IQCK: variants seen among roughly 807,000 people sequenced by gnomAD.
The protein encoded by IQCK is IQ motif containing K.
In IQCK, 29 loss-of-function variants were observed where a neutral mutation model predicts 28.1. The observed-to-expected ratio is 1.03, with a 90% CI of 0.77 to 1.41. IQCK has a LOEUF of 1.41. Among genes scored for constraint, IQCK ranks in the 40% most tolerant of loss-of-function variants. IQCK has a pLI of 0.00. For missense variants in IQCK, 359 were observed against 314.7 expected (o/e 1.14, Z -1.07); for synonymous variants, 113 against 115.1 (o/e 0.98, Z 0.12).
Position 19,811,265 on chromosome 16 carries a change from T to C in IQCK, c.691-15761T>C, listed in dbSNP as rs529525931. Among the ~76,000 whole-genome samples, 11 of 152,264 alleles carry C rather than the reference T, an allele frequency of 7.2e-5. No individual in the cohort carries two copies. The South Asian group carries it at 2.1e-3, about 29-fold the overall frequency. On this transcript the variant is annotated intron_variant, in intron 7 of 7. Coordinates refer to ENST00000564186, the Ensembl canonical transcript of IQCK. Reference sequence around the variant, plus strand: ...AAGCCTGGGTGACAGAGCGAGACCCTGTCTCAAAACAACAACAATGCATTG... The same window carrying C: ...AAGCCTGGGTGACAGAGCGAGACCCCGTCTCAAAACAACAACAATGCATTG...
intron 7 of IQCK, among the ~76,000 whole-genome samples, chr16:19,822,171 C>T (rs755468828): frequency 2.0e-4 from 30 of 150,256 alleles, no homozygotes; most frequent in Non-Finnish European, 3.1e-4. Flanking sequence ...GCAGATCACA[C>T]GGTCAGGGGT....
chr16:19,724,319 A>G (rs983828017), intron 1 of IQCK, among the ~76,000 whole-genome samples: 10 of 152,052 alleles, frequency 6.6e-5, no homozygotes, highest in Non-Finnish European at 5.9e-5. Flanking sequence ...ACTTTCACTT[A>G]TCATAACCCC....
chr16:19,812,332 A>T (rs1287866932), intron 7 of IQCK, among the ~76,000 whole-genome samples: 1 of 152,180 alleles, frequency 6.6e-6, no homozygotes, highest in African/African-American at 2.4e-5. Context: ...ATATAGACAG[A>T]TGGAAGAGGC....
At chr16:19,780,318 A>G (rs1365579989) in intron 6 of IQCK, among the ~76,000 whole-genome samples, 4 of 152,124 alleles carry the variant, frequency 2.6e-5, no homozygotes, top group African/African-American at 9.7e-5. Flanking sequence ...CTGGGATTAC[A>G]AGCATGAGCC....
intron 9 of IQCK, among the ~76,000 whole-genome samples, chr16:19,842,229 G>A (rs1263991319): frequency 6.6e-6 from 1 of 152,158 alleles, no homozygotes; most frequent in African/African-American, 2.4e-5. Context: ...AAAACATTTT[G>A]AAAAATGAAG....
chr16:19,718,294 G>A (rs773671164), exon 1 of IQCK: 2 of 1,598,170 alleles, frequency 1.3e-6, no homozygotes, highest in East Asian at 2.3e-5. Context: ...CGGTTACCGT[G>A]GAAACCGCGG....
chr16:19,786,857 G>A, intron 6 of IQCK, among the ~76,000 whole-genome samples: 1 of 61,470 alleles, frequency 1.6e-5, no homozygotes. Flanking sequence ...AGGAAGGAAG[G>A]AAAGAAAGAA....
intron 7 of IQCK, among the ~76,000 whole-genome samples, chr16:19,799,353 C>A (rs1303226368): frequency 1.1e-5 from 1 of 89,724 alleles, no homozygotes; most frequent in Admixed American, 1.1e-4. Context: ...CTCACTGCAA[C>A]CTCCGCCTCT....
intron 9 of IQCK, among the ~76,000 whole-genome samples, chr16:19,846,086 T>A (rs1186333700): frequency 1.3e-5 from 2 of 152,168 alleles, no homozygotes; most frequent in East Asian, 3.8e-4. Context: ...CAAAAAATAA[T>A]AATAATTTTA....
At chr16:19,803,056 C>A (rs1231450700) in intron 7 of IQCK, among the ~76,000 whole-genome samples, 1 of 152,138 alleles carries the variant, frequency 6.6e-6, no homozygotes, top group Non-Finnish European at 1.5e-5. Flanking sequence ...GGTCTTATTC[C>A]CCTGAGATTC....
chr16:19,851,836 C>T (rs2056487743), intron 9 of IQCK, among the ~76,000 whole-genome samples: 1 of 152,174 alleles, frequency 6.6e-6, no homozygotes, highest in African/African-American at 2.4e-5. Context: ...TGGCTTACTT[C>T]TTCTCTCCTG....
intron 1 of IQCK, among the ~76,000 whole-genome samples, chr16:19,722,550 C>T (rs1567530474): frequency 6.6e-6 from 1 of 152,148 alleles, no homozygotes; most frequent in Non-Finnish European, 1.5e-5. Context: ...CTCATTTCTC[C>T]GAATAAATTG....
intron 4 of IQCK, 43 bp downstream of exon 4, chr16:19,735,493 C>A: frequency 7.2e-7 from 1 of 1,395,802 alleles, no homozygotes; most frequent in Non-Finnish European, 1.0e-6. Flanking sequence ...GATTCTCAAT[C>A]ATTCATTATT....
chr16:19,848,267 G>T (rs2056436609), intron 9 of IQCK, among the ~76,000 whole-genome samples: 1 of 152,032 alleles, frequency 6.6e-6, no homozygotes, highest in African/African-American at 2.4e-5. Context: ...ACCTTTTTAT[G>T]TGCTTATCAG....
chr16:19,756,239 A>G (rs1198987139), intron 4 of IQCK, among the ~76,000 whole-genome samples: 1 of 152,176 alleles, frequency 6.6e-6, no homozygotes, highest in African/African-American at 2.4e-5. Flanking sequence ...AGAGCTGGTG[A>G]TATTTGAGAT....
chr16:19,816,758 G>A (rs1444064017), intron 7 of IQCK, among the ~76,000 whole-genome samples: 1 of 152,206 alleles, frequency 6.6e-6, no homozygotes, highest in East Asian at 1.9e-4. Context: ...CAACCTCAGA[G>A]CTGAATCCAG....
intron 4 of IQCK, among the ~76,000 whole-genome samples, chr16:19,738,314 G>A (rs375162629): frequency 1.3e-5 from 2 of 152,312 alleles, no homozygotes; most frequent in African/African-American, 4.8e-5. Context: ...CATCCCTGGA[G>A]AAATTCCCTG....
At chr16:19,812,388 G>A (rs1221578867) in intron 7 of IQCK, among the ~76,000 whole-genome samples, 2 of 152,164 alleles carry the variant, frequency 1.3e-5, no homozygotes, top group African/African-American at 2.4e-5. Flanking sequence ...ACTCAAGAGC[G>A]GGTGTTTGTA....
chr16:19,764,384 T>G (rs1441060586), intron 6 of IQCK: 2 of 272,660 alleles, frequency 7.3e-6, no homozygotes, highest in Non-Finnish European at 1.4e-5. Context: ...TTCCCTTCAT[T>G]TTTTTCCTGT....
Sources: allele counts gnomAD v4.1 joint callset (sites outside exome capture counted in the v4.1 genomes callset), GRCh38; gene constraint gnomAD v4.1.1; transcripts MANE v1.5; gene names NCBI Gene and HGNC (gene_info 2026-07-23, HGNC 2026-07-21).